DUSP14: variants seen among roughly 807,000 people sequenced by gnomAD.
DUSP14 encodes the protein dual specificity phosphatase 14, also known as dual specificity protein phosphatase 14.
DUSP14 carries 5 observed loss-of-function variants against 13.2 expected under a neutral mutation model. The observed-to-expected ratio is 0.38, with a 90% CI of 0.20 to 0.80. The LOEUF (loss-of-function observed/expected upper bound fraction) is 0.80, where lower values mean the gene tolerates loss of function less well. Ranked by LOEUF, DUSP14 falls within the 30% of genes least tolerant of loss-of-function variation. The pLI is 0.44. For synonymous variants in DUSP14, 91 were observed against 103.4 expected, an observed-to-expected ratio of 0.88 and a Z score of 0.73; for missense variants, 185 against 264.0, an observed-to-expected ratio of 0.70 and a Z score of 2.07.
rs1164025226 is a variant in DUSP14, at chr17:37,509,104, C to CATAT, written c.-180-1551_-180-1548dup. ...AGCCAGACCAAAAAAAAAAAAAACC[C>CATAT]ATATATATATATATATATATATATA... On this transcript the variant is annotated intron_variant, in intron 1 of 2. Coordinates refer to ENST00000617516, the MANE Select transcript of DUSP14 (RefSeq NM_007026.4). Among the ~76,000 whole-genome samples the CATAT allele has an allele frequency of 1.0e-3, 37 of 36,022 alleles. 1 individual carries two copies. The highest frequency in any genetic ancestry group is 4.5e-3 in the African/African-American group (24 of 5,348). 23.6% of individuals were successfully genotyped at this position (36,022 alleles called of 152,430 possible). A position where few individuals can be genotyped will look rare whatever the true frequency, so the allele number is the denominator to read the frequency against.
At chr17:37,504,597 T>C (rs944937258) in intron 1 of DUSP14, among the ~76,000 whole-genome samples, 1 of 152,194 alleles carries the variant, frequency 6.6e-6, no homozygotes, top group Non-Finnish European at 1.5e-5. Context: ...CATTTTACTT[T>C]AATATGTATA....
chr17:37,491,193 C>T (rs535700485), intron 1 of DUSP14, among the ~76,000 whole-genome samples: 1 of 152,306 alleles, frequency 6.6e-6, no homozygotes, highest in Admixed American at 6.5e-5. Context: ...CTCCCTTGAG[C>T]TGCGATTTGG....
At chr17:37,491,683 A>G (rs2054029550) in intron 1 of DUSP14, 1 of 152,242 alleles carries the variant, frequency 6.6e-6, no homozygotes, top group Non-Finnish European at 1.5e-5. Flanking sequence ...TTCATATCAT[A>G]AAAGACTAGC....
At chr17:37,495,805 G>A (rs977041269) in intron 1 of DUSP14, among the ~76,000 whole-genome samples, 11 of 151,956 alleles carry the variant, frequency 7.2e-5, no homozygotes, top group Admixed American at 5.2e-4. Context: ...GATTACAGGC[G>A]CATGCCACCA....
chr17:37,495,107 G>T (rs1319695849), intron 1 of DUSP14, among the ~76,000 whole-genome samples: 1 of 152,162 alleles, frequency 6.6e-6, no homozygotes, highest in Admixed American at 6.5e-5. Flanking sequence ...GAGGAGCCCT[G>T]TCGTGTTCTT....
intron 1 of DUSP14, among the ~76,000 whole-genome samples, chr17:37,490,163 G>A (rs549055191): frequency 2.1e-4 from 32 of 151,148 alleles, no homozygotes; most frequent in Admixed American, 8.5e-4. Context: ...GGAGAGGCCC[G>A]AGACCTTCCG....
At chr17:37,511,120 A>T (rs2054181930) in intron 2 of DUSP14, among the ~76,000 whole-genome samples, 1 of 152,216 alleles carries the variant, frequency 6.6e-6, no homozygotes, top group South Asian at 2.1e-4. Flanking sequence ...CTCAGAATTA[A>T]GGTGAAGTTA....
intron 1 of DUSP14, among the ~76,000 whole-genome samples, chr17:37,491,884 A>G (rs76642121): frequency 0.013 from 1,996 of 152,352 alleles, 20 homozygotes; most frequent in Middle Eastern, 0.041. Context: ...TAATAAGGTT[A>G]AAGCTTTCTT....
chr17:37,502,981 C>G (rs1309563769), intron 1 of DUSP14, among the ~76,000 whole-genome samples: 1 of 152,182 alleles, frequency 6.6e-6, no homozygotes, highest in Non-Finnish European at 1.5e-5. Flanking sequence ...AGCGGTCGTC[C>G]TGCCTCAGCC....
chr17:37,501,917 C>T (rs1403776407), intron 1 of DUSP14, among the ~76,000 whole-genome samples: 1 of 152,172 alleles, frequency 6.6e-6, no homozygotes, highest in African/African-American at 2.4e-5. Context: ...GTACTATGGG[C>T]TGTTTTTACT....
intron 1 of DUSP14, among the ~76,000 whole-genome samples, chr17:37,496,104 A>G (rs2143059106): frequency 6.6e-6 from 1 of 152,312 alleles, no homozygotes; most frequent in South Asian, 2.1e-4. Flanking sequence ...AATCTTTTAA[A>G]TCTTTGTGTT....
At chr17:37,504,171 G>T (rs1262637494) in intron 1 of DUSP14, among the ~76,000 whole-genome samples, 1 of 152,234 alleles carries the variant, frequency 6.6e-6, no homozygotes, top group Non-Finnish European at 1.5e-5. Flanking sequence ...TCCAGCCTGA[G>T]TGACAGAGCA....
chr17:37,501,565 G>A (rs1201933690), intron 1 of DUSP14, among the ~76,000 whole-genome samples: 1 of 152,092 alleles, frequency 6.6e-6, no homozygotes, highest in Non-Finnish European at 1.5e-5. Flanking sequence ...ACCCAGGCTG[G>A]AGTGCAATGG....
intron 1 of DUSP14, among the ~76,000 whole-genome samples, chr17:37,508,296 C>T (rs2054151015): frequency 7.1e-6 from 1 of 140,710 alleles, no homozygotes; most frequent in Non-Finnish European, 1.6e-5. Context: ...GCAGCCTCAC[C>T]TCAGAAAGGC....
In DUSP14 at chr17:37,495,061, CGTTAGT is replaced by C. The variant is rs2054054625; in HGVS notation, c.-181+5104_-181+5109del. ...ACCCAAAGGAGGAGGAGTAAGAAGT[CGTTAGT>C]ATGAGAACCTGTTGATCTGAGTGAT... On this transcript the variant is annotated intron_variant, in intron 1 of 2. Coordinates refer to ENST00000617516, the MANE Select transcript of DUSP14 (RefSeq NM_007026.4). 1.3e-5 allele frequency among the ~76,000 whole-genome samples: 2 copies of C among 152,118 alleles called. 1 individual carries two copies. The highest frequency in any genetic ancestry group is 4.1e-4 in the South Asian group (2 of 4,822).
At chr17:37,504,755 T>TG (rs982660366) in intron 1 of DUSP14, among the ~76,000 whole-genome samples, 1 of 152,128 alleles carries the variant, frequency 6.6e-6, no homozygotes, top group Non-Finnish European at 1.5e-5. Flanking sequence ...TTTTTAAAAT[T>TG]TTTTTTGCAG....
At chr17:37,491,051 G>A (rs2054024721) in intron 1 of DUSP14, among the ~76,000 whole-genome samples, 1 of 152,204 alleles carries the variant, frequency 6.6e-6, no homozygotes, top group Non-Finnish European at 1.5e-5. Flanking sequence ...CTGAGACTCA[G>A]CTCTGCCACA....
chr17:37,489,751 C>A (rs2054012370), upstream of DUSP14: 1 of 150,114 alleles, frequency 6.7e-6, no homozygotes, highest in South Asian at 2.1e-4. Context: ...ACGCGCGCCG[C>A]CTGCCGCCCC....
At chr17:37,505,888 C>T (rs1238671268) in intron 1 of DUSP14, among the ~76,000 whole-genome samples, 1 of 152,094 alleles carries the variant, frequency 6.6e-6, no homozygotes, top group African/African-American at 2.4e-5. Flanking sequence ...GCTGGGAAGA[C>T]ACTAATCTTG....
Sources: allele counts gnomAD v4.1 joint callset (sites outside exome capture counted in the v4.1 genomes callset), GRCh38; gene constraint gnomAD v4.1.1; transcripts MANE v1.5; gene names NCBI Gene and HGNC (gene_info 2026-07-23, HGNC 2026-07-21).